Variants in PDE5A observed in about 807,000 individuals in gnomAD.
The protein encoded by PDE5A is cGMP-specific 3',5'-cyclic phosphodiesterase.
In PDE5A, 67 loss-of-function variants were observed where a neutral mutation model predicts 110.2. That is an observed-to-expected ratio of 0.61 (90% CI 0.50 to 0.75). The LOEUF (loss-of-function observed/expected upper bound fraction) is 0.75. PDE5A is among the 30% of genes least tolerant of loss of function. The probability of loss-of-function intolerance (pLI) is 0.00; values close to 1 mark genes in which losing one functional copy is unlikely to be tolerated. For missense variants in PDE5A, 862 were observed against 1,045.1 expected (o/e 0.82, Z 2.42); for synonymous variants, 328 against 351.2 (o/e 0.93, Z 0.74).
chr4:119,570,374 T>C (rs1728097949), intron 3 of PDE5A, among the ~76,000 whole-genome samples: 1 of 152,146 alleles, frequency 6.6e-6, no homozygotes, highest in Admixed American at 6.5e-5. Flanking sequence ...AGCATTAGCT[T>C]CCATATCAGA....
At chr4:119,615,846 C>A (rs1729923423) in intron 1 of PDE5A, among the ~76,000 whole-genome samples, 1 of 152,124 alleles carries the variant, frequency 6.6e-6, no homozygotes, top group African/African-American at 2.4e-5. Context: ...TTTCAGTTAA[C>A]TTTTACAAAG....
chr4:119,588,789 C>T (rs1728863492), intron 3 of PDE5A, among the ~76,000 whole-genome samples: 1 of 152,088 alleles, frequency 6.6e-6, no homozygotes. Flanking sequence ...TTAGCTGATA[C>T]TTTTTGAATC....
intron 11 of PDE5A, among the ~76,000 whole-genome samples, chr4:119,532,355 G>A (rs1726572480): frequency 6.6e-6 from 1 of 152,132 alleles, no homozygotes; most frequent in Non-Finnish European, 1.5e-5. Flanking sequence ...AAGTATGTTA[G>A]TAGCTTGCCC....
intron 11 of PDE5A, among the ~76,000 whole-genome samples, chr4:119,530,071 T>C (rs1302021326): frequency 2.0e-5 from 3 of 152,096 alleles, no homozygotes; most frequent in Non-Finnish European, 2.9e-5. Context: ...AACCACTGCA[T>C]TAGGGATAGG....
At position 119,597,381 on chromosome 4, in the gene PDE5A, T is replaced by C. The variant is rs1397107544; in HGVS notation, c.742-769A>G. 3.9e-5 allele frequency among the ~76,000 whole-genome samples: 6 copies of C among 151,936 alleles called. No homozygotes were observed. The South Asian group carries it at 8.3e-4, about 21-fold the overall frequency. On this transcript the variant is annotated intron_variant, in intron 2 of 20. Transcript: ENST00000354960. ...CAATCAAAAGCATGCGTTAAATCAA[T>C]GAAGGAATTCATTAACAAATAATAC...
chr4:119,530,784 AATTTGGCATAGAGCTATAG>A (rs1228664465), intron 11 of PDE5A, among the ~76,000 whole-genome samples: 1 of 152,110 alleles, frequency 6.6e-6, no homozygotes, highest in African/African-American at 2.4e-5. Context: ...ATATAAATTT[AATTTGGCATAGAGCTATAG>A]TACAGTATTC....
At chr4:119,605,399 C>T (rs1729490939) in intron 2 of PDE5A, among the ~76,000 whole-genome samples, 1 of 152,184 alleles carries the variant, frequency 6.6e-6, no homozygotes, top group South Asian at 2.1e-4. Context: ...GTAATCCCAG[C>T]ACTTTGGGAG....
intron 3 of PDE5A, among the ~76,000 whole-genome samples, chr4:119,569,420 T>C (rs939746439): frequency 6.6e-6 from 1 of 151,910 alleles, no homozygotes; most frequent in Non-Finnish European, 1.5e-5. Flanking sequence ...ACACCAGAAA[T>C]ACCCTCATTT....
intron 17 of PDE5A, 123 bp from the exon 18 acceptor site, chr4:119,504,722 A>G (rs879683726): frequency 3.4e-6 from 2 of 592,430 alleles, no homozygotes; most frequent in African/African-American, 1.9e-5. Flanking sequence ...CAGTTTATAA[A>G]GACCAAAGAA....
intron 9 of PDE5A, chr4:119,543,040 A>AT (rs1240062927): frequency 1.8e-4 from 31 of 172,034 alleles, no homozygotes; most frequent in Admixed American, 1.0e-3. Context: ...ACCAGAAGTT[A>AT]AACATACACA....
intron 2 of PDE5A, among the ~76,000 whole-genome samples, chr4:119,600,474 C>T (rs7684899): frequency 0.76 from 114,721 of 151,894 alleles, 43,701 homozygotes; most frequent in East Asian, 0.89. Flanking sequence ...ACCATTCCCC[C>T]CACTAAAAGA....
In PDE5A at chr4:119,523,837, A is replaced by T. The variant is rs925028673; in HGVS notation, c.1779+1712T>A. Among the ~76,000 whole-genome samples, 5 of 152,190 alleles carry T rather than the reference A, an allele frequency of 3.3e-5. No individual in the cohort carries two copies. In the South Asian group the frequency reaches 1.0e-3, roughly 31 times the overall value. Reference sequence around the variant, plus strand: ...AATCATTATTAGTTTCAAGAATGGGAGTACTCAGGAATGGAAAAGGATTTG... The same window carrying T: ...AATCATTATTAGTTTCAAGAATGGGTGTACTCAGGAATGGAAAAGGATTTG... On this transcript the variant is annotated intron_variant, in intron 12 of 20. Coordinates refer to ENST00000354960, the MANE Select transcript of PDE5A (RefSeq NM_001083.4).
intron 11 of PDE5A, among the ~76,000 whole-genome samples, chr4:119,537,901 A>T (rs1726783365): frequency 6.6e-6 from 1 of 152,090 alleles, no homozygotes; most frequent in East Asian, 1.9e-4. Context: ...AGAGTGGAGG[A>T]GCAGCTATGA....
chr4:119,562,712 T>C, intron 6 of PDE5A, 121 bp downstream of exon 6: 1 of 701,726 alleles, frequency 1.4e-6, no homozygotes, highest in South Asian at 2.8e-5. Flanking sequence ...TTTATATACA[T>C]ATTCATACAC....
At chr4:119,550,586 C>G (rs946361225) in intron 9 of PDE5A, 1 of 152,162 alleles carries the variant, frequency 6.6e-6, no homozygotes, top group Non-Finnish European at 1.5e-5. Context: ...GGGCCTGATG[C>G]GTAACTTCCT....
At chr4:119,609,801 T>G (rs908940987) in intron 1 of PDE5A, among the ~76,000 whole-genome samples, 2 of 152,194 alleles carry the variant, frequency 1.3e-5, no homozygotes, top group African/African-American at 4.8e-5. Context: ...AAACGATAAG[T>G]ATGAGGCAAT....
intron 9 of PDE5A, among the ~76,000 whole-genome samples, chr4:119,545,677 T>C (rs1727106533): frequency 6.6e-6 from 1 of 152,206 alleles, no homozygotes; most frequent in South Asian, 2.1e-4. Context: ...AGATGGCTTC[T>C]AAAATTAAAC....
intron 3 of PDE5A, among the ~76,000 whole-genome samples, chr4:119,574,573 T>G (rs1331356279): frequency 6.6e-6 from 1 of 152,104 alleles, no homozygotes; most frequent in Non-Finnish European, 1.5e-5. Context: ...TTAGATCTCA[T>G]AAGGATGCTT....
At chr4:119,561,365 A>G (rs1213448898) in intron 6 of PDE5A, among the ~76,000 whole-genome samples, 4 of 152,240 alleles carry the variant, frequency 2.6e-5, no homozygotes, top group Admixed American at 6.5e-5. Context: ...AAGTCACCTA[A>G]TTCCTTTTCT....
Sources: gnomAD v4.1 joint callset for allele counts (sites outside exome capture counted in the v4.1 genomes callset) on GRCh38, gnomAD v4.1.1 for gene constraint, MANE v1.5 for transcripts, NCBI Gene and HGNC (gene_info 2026-07-23, HGNC 2026-07-21) for gene names.